The following RRAD variants were observed in gnomAD, a reference collection of about 807,000 sequenced individuals.
RRAD encodes the protein GTP-binding protein RAD.
RRAD carries 15 observed loss-of-function variants against 24.7 expected under a neutral mutation model. That is an observed-to-expected ratio of 0.61 (90% CI 0.41 to 0.93). The LOEUF (loss-of-function observed/expected upper bound fraction) is 0.93. RRAD is among the 40% of genes least tolerant of loss of function. The pLI is 0.00. For synonymous variants in RRAD, 180 were observed against 189.8 expected (o/e 0.95, Z 0.43); for missense variants, 438 against 452.2 (o/e 0.97, Z 0.29).
chr16:66,923,435 A>T lies in RRAD; in HGVS notation c.649+81T>A. On this transcript the variant is annotated intron_variant, in intron 4 of 4. Coordinates refer to ENST00000299759, the MANE Select transcript of RRAD (RefSeq NM_004165.3). The surrounding 1 kb of genome is among the most constrained non-coding windows in gnomAD (Gnocchi z 4.9). ...ACATTTTTAGCCTCTGATGATCCCC[A>T]GGGACTCAAGCTGAGCCAAGACTGC... is the stretch of plus-strand genomic sequence containing the variant. The T allele has an allele frequency of 8.7e-7, 1 of 1,154,614 alleles. No homozygotes were observed. The highest frequency in any genetic ancestry group is 1.5e-5 in the African/African-American group (1 of 65,226). 71.5% of individuals were successfully genotyped at this position (1,154,614 alleles called of 1,614,324 possible).
Position 66,924,934 on chromosome 16 carries a change from T to G in RRAD, c.246A>C (p.Ser82=). The change falls in exon 2 of 5, where the codon TCA becomes TCC. Residue 82 remains serine (S), a synonymous_variant. Transcript: ENST00000299759. The surrounding 1 kb of genome is among the most constrained non-coding windows in gnomAD (Gnocchi z 4.2). ...WPEDSEDSLS[S]GGSDSDESVY... Reference sequence around the variant, plus strand: ...CGCTCTCGTCTGAGTCGCTGCCCCCTGAGCTGAGCGAGTCCTCGGAGTCCT... The same window carrying G: ...CGCTCTCGTCTGAGTCGCTGCCCCCGGAGCTGAGCGAGTCCTCGGAGTCCT... 6.4e-7 allele frequency: 1 copy of G among 1,564,580 alleles called. No homozygotes were observed. Among genetic ancestry groups the G allele is most frequent in the Non-Finnish European group, 8.6e-7 (1 of 1,161,008 alleles).
chr16:66,921,944 G>A lies in RRAD; in HGVS notation c.*132C>T. On this transcript the variant is annotated 3_prime_UTR_variant, in exon 5 of 5. Coordinates refer to ENST00000299759, the MANE Select transcript of RRAD (RefSeq NM_004165.3). Reference sequence around the variant, plus strand: ...ACTGTCTATCTGTCCATGACCATGAGGTTGGGGGTGCCCGGCTGGCAGCTC... The same window carrying A: ...ACTGTCTATCTGTCCATGACCATGAAGTTGGGGGTGCCCGGCTGGCAGCTC... 2.7e-6 allele frequency: 2 copies of A among 734,398 alleles called. No homozygotes were observed. The highest frequency in any genetic ancestry group is 4.4e-6 in the Non-Finnish European group (2 of 450,204). 45.5% of individuals were successfully genotyped at this position (734,398 alleles called of 1,614,324 possible). A position where few individuals can be genotyped will look rare whatever the true frequency, so the allele number is the denominator to read the frequency against.
rs111383330 is a variant in RRAD, at chr16:66,924,699, T to C, written c.370+111A>G. The C allele has an allele frequency of 5.4e-4, 355 of 662,186 alleles. No homozygotes were observed. Among genetic ancestry groups the C allele is most frequent in the Middle Eastern group, 1.6e-3 (5 of 3,100 alleles). 41.0% of individuals were successfully genotyped at this position (662,186 alleles called of 1,614,324 possible). A position where few individuals can be genotyped will look rare whatever the true frequency, so the allele number is the denominator to read the frequency against. On this transcript the variant is annotated intron_variant, in intron 2 of 4. Coordinates refer to ENST00000299759, the MANE Select transcript of RRAD (RefSeq NM_004165.3). This position sits in a 1 kb window ranked among gnomAD's most constrained non-coding sequence, Gnocchi z 4.2. ...AATAAAATAATAATAATAATAATAA[T>C]AACAACAACAACAACTATAATTCCA...
In RRAD at chr16:66,925,220, C is replaced by T. The variant is rs745568691; in HGVS notation, c.-15-26G>A. On this transcript the variant is annotated intron_variant, in intron 1 of 4. Coordinates refer to ENST00000299759, the MANE Select transcript of RRAD (RefSeq NM_004165.3). The surrounding 1 kb of genome is among the most constrained non-coding windows in gnomAD (Gnocchi z 5.2). ...CTAGGGGATCAGGAACCCGAGTGGCCGTGTAAGCCGCGAGGGAGGCGGGAC... is the reference window on the plus strand; with the variant it reads ...CTAGGGGATCAGGAACCCGAGTGGCTGTGTAAGCCGCGAGGGAGGCGGGAC... The T allele has an allele frequency of 4.0e-6, 5 of 1,238,036 alleles. No homozygotes were observed. The highest frequency in any genetic ancestry group is 3.8e-5 in the Admixed American group (1 of 26,568). The allele number at this position is 1,238,036 out of a possible 1,614,324, so 76.7% of individuals were successfully genotyped here. A position where few individuals can be genotyped will look rare whatever the true frequency, so the allele number is the denominator to read the frequency against.
rs1962918645 is a variant in RRAD, at chr16:66,921,945, G to T, written c.*131C>A. On this transcript the variant is annotated 3_prime_UTR_variant, in exon 5 of 5. Transcript: ENST00000299759. ...CTGTCTATCTGTCCATGACCATGAG[G>T]TTGGGGGTGCCCGGCTGGCAGCTCC... 2.7e-6 allele frequency: 2 copies of T among 745,614 alleles called. No homozygotes were observed. The highest frequency in any genetic ancestry group is 4.3e-6 in the Non-Finnish European group (2 of 460,240). The allele number at this position is 745,614 out of a possible 1,614,324, so 46.2% of individuals were successfully genotyped here. A position where few individuals can be genotyped will look rare whatever the true frequency, so the allele number is the denominator to read the frequency against.
In RRAD at chr16:66,922,062, G is replaced by C; in HGVS notation, c.*14C>G. ...CTTCCGTTCGTCTCCCACCATAGTG[G>C]GAGCGGGTGGGACCTAGAGAACCGA... On this transcript the variant is annotated 3_prime_UTR_variant, in exon 5 of 5. Transcript: ENST00000299759. The C allele has an allele frequency of 1.3e-6, 2 of 1,593,730 alleles. No homozygotes were observed. The highest frequency in any genetic ancestry group is 1.7e-6 in the Non-Finnish European group (2 of 1,163,416).
chr16:66,922,436 A>T, intron 4 of RRAD, 83 bp from the exon 5 acceptor site: 1 of 1,402,454 alleles, frequency 7.1e-7, no homozygotes, highest in Non-Finnish European at 9.6e-7. Flanking sequence ...CACCCATGGA[A>T]GCTGCCACTC....
At chr16:66,922,960 C>T (rs1195056769) in intron 4 of RRAD, among the ~76,000 whole-genome samples, 3 of 152,342 alleles carry the variant, frequency 2.0e-5, no homozygotes, top group South Asian at 2.1e-4. Context: ...GGATTACAGG[C>T]GTTAGCCACC....
In RRAD at chr16:66,922,140, C is replaced by A; in HGVS notation, c.863G>T (p.Arg288Leu). The A allele has an allele frequency of 1.2e-6, 2 of 1,613,574 alleles. No individual in the cohort carries two copies. Among genetic ancestry groups the A allele is most frequent in the Non-Finnish European group, 8.5e-7 (1 of 1,179,464 alleles). Residue 288 changes from arginine to leucine, a missense_variant, in exon 5 of 5, where the codon CGT (arginine) becomes CTT (leucine). Arg to Leu is a moderately radical substitution (Grantham distance 102). Coordinates refer to ENST00000299759, the MANE Select transcript of RRAD (RefSeq NM_004165.3). The part of the protein sequence containing the change: ...AKRFLGRIVA[R>L]NSRKMAFRAK... ...GCGAAAGGCCATCTTGCGGCTGTTA[C>A]GAGCTACGATGCGGCCCAAGAAGCG...
chr16:66,922,391 G>C, intron 4 of RRAD, 38 bp from the exon 5 acceptor site: 1 of 1,550,462 alleles, frequency 6.4e-7, no homozygotes, highest in African/African-American at 1.4e-5. Context: ...AGTAAACAAA[G>C]GGTGGGTGAA....
chr16:66,923,774 G>T lies in RRAD; in HGVS notation c.445-54C>A. 1.9e-6 allele frequency: 3 copies of T among 1,610,790 alleles called. No homozygotes were observed. The highest frequency in any genetic ancestry group is 2.5e-6 in the Non-Finnish European group (3 of 1,177,170). On this transcript the variant is annotated intron_variant, in intron 3 of 4. Coordinates refer to ENST00000299759, the MANE Select transcript of RRAD (RefSeq NM_004165.3). This position sits in a 1 kb window ranked among gnomAD's most constrained non-coding sequence, Gnocchi z 4.9. ...AACAGTCCTCATGCCCCCGACACGA[G>T]CCTGGCACTCCCAGACCTCTAACCC...
In RRAD at chr16:66,924,022, C is replaced by A; in HGVS notation, c.371-103G>T. On this transcript the variant is annotated intron_variant, in intron 2 of 4. Transcript: ENST00000299759. This position sits in a 1 kb window ranked among gnomAD's most constrained non-coding sequence, Gnocchi z 4.2. ...CCTCCAACTCTTCCCCAGAGCCCTC[C>A]TTACCCTCCACTCCACTTGCAGATG... 1.1e-6 allele frequency: 1 copy of A among 892,282 alleles called. No homozygotes were observed. The highest frequency in any genetic ancestry group is 1.7e-5 in the Admixed American group (1 of 57,580). The allele number at this position is 892,282 out of a possible 1,614,324, so 55.3% of individuals were successfully genotyped here.
Position 66,921,848 on chromosome 16 carries a change from A to T in RRAD, c.*228T>A. The T allele has an allele frequency of 3.8e-6, 2 of 527,364 alleles. No homozygotes were observed. The highest frequency in any genetic ancestry group is 3.1e-5 in the South Asian group (1 of 32,524). The allele number at this position is 527,364 out of a possible 1,614,324, so 32.7% of individuals were successfully genotyped here. A position where few individuals can be genotyped will look rare whatever the true frequency, so the allele number is the denominator to read the frequency against. ...GCTGCGCTGCGGCTGCTTGGGACGC[A>T]TATGAGCCTGCGCATGCATCTCTGT... On this transcript the variant is annotated 3_prime_UTR_variant, in exon 5 of 5. Coordinates refer to ENST00000299759, the MANE Select transcript of RRAD (RefSeq NM_004165.3).
chr16:66,922,432 T>A (rs1962929363), intron 4 of RRAD, 79 bp from the exon 5 acceptor site: 2 of 1,420,444 alleles, frequency 1.4e-6, no homozygotes, highest in Admixed American at 4.2e-5. Flanking sequence ...TGGCCACCCA[T>A]GGAAGCTGCC....
rs778639507 is a variant in RRAD at position 66,922,336 on chromosome 16, C to A, written c.667G>T (p.Val223Leu). 6.3e-7 allele frequency: 1 copy of A among 1,594,712 alleles called. No homozygotes were observed. Among genetic ancestry groups the A allele is most frequent in the Non-Finnish European group, 8.6e-7 (1 of 1,168,158 alleles). ...TCAATGAACTTGCAGTCAAAGACCA[C>A]CGCGCAGGCCCGGCCCTCTGTGTGG... ...VSVDEGRACA[V>L]VFDCKFIETS... is the part of the protein sequence containing the mutation. Residue 223 changes from valine to leucine, a missense_variant, in exon 5 of 5, where the codon GTG (valine) becomes TTG (leucine). Physicochemically the swap from Val to Leu is conservative, Grantham distance 32. Coordinates refer to ENST00000299759, the MANE Select transcript of RRAD (RefSeq NM_004165.3).
At position 66,925,025 on chromosome 16, in the gene RRAD, G is replaced by A. The variant is rs1962976216; in HGVS notation, c.155C>T (p.Thr52Ile). ...CGCGGCCGCCGTCAGGGCACCCGGG[G>A]TCAGCGCCGCCTGCAGGTCGCGCTC... ...VDERDLQAAL[T>I]PGALTAAAAG... The change falls in exon 2 of 5, where the codon ACC becomes ATC. Residue 52 changes from threonine (T) to isoleucine (I), a missense_variant. Physicochemically the swap from Thr to Ile is moderately conservative, Grantham distance 89. Transcript: ENST00000299759. The surrounding 1 kb of genome is among the most constrained non-coding windows in gnomAD (Gnocchi z 5.2). 1 of 1,387,858 alleles carries A rather than the reference G, an allele frequency of 7.2e-7. No individual in the cohort carries two copies. The highest frequency in any genetic ancestry group is 9.4e-7 in the Non-Finnish European group (1 of 1,066,128). The allele number at this position is 1,387,858 out of a possible 1,614,324, so 86.0% of individuals were successfully genotyped here.
At position 66,923,693 on chromosome 16, in the gene RRAD, A is replaced by G; in HGVS notation, c.472T>C (p.Cys158Arg). ...QDGGRWLPGH[C>R]MAMGDAYVIV... ...ACATAGGCATCCCCCATGGCCATGC[A>G]GTGGCCGGGCAACCAGCGGCCCCCG... Residue 158 changes from cysteine (C) to arginine (R), a missense_variant, in exon 4 of 5, where the codon TGC becomes CGC. By Grantham distance (180) the Cys-to-Arg change is radical. Coordinates refer to ENST00000299759, the MANE Select transcript of RRAD (RefSeq NM_004165.3). The surrounding 1 kb of genome is among the most constrained non-coding windows in gnomAD (Gnocchi z 4.9). 1 of 1,614,114 alleles carries G rather than the reference A, an allele frequency of 6.2e-7. No individual in the cohort carries two copies. The highest frequency in any genetic ancestry group is 1.3e-5 in the African/African-American group (1 of 75,024).
Position 66,923,701 on chromosome 16 carries a change from G to A in RRAD, c.464C>T (p.Pro155Leu). The change falls in exon 4 of 5, where the codon CCC becomes CTC. Residue 155 changes from proline (P) to leucine (L), a missense_variant. By Grantham distance (98) the Pro-to-Leu change is moderately conservative (BLOSUM62 -3). Transcript: ENST00000299759. This position sits in a 1 kb window ranked among gnomAD's most constrained non-coding sequence, Gnocchi z 4.9. ...IWEQDGGRWL[P>L]GHCMAMGDAY... Reference sequence around the variant, plus strand: ...ATCCCCCATGGCCATGCAGTGGCCGGGCAACCAGCGGCCCCCGTCCTGGAG... The same window carrying A: ...ATCCCCCATGGCCATGCAGTGGCCGAGCAACCAGCGGCCCCCGTCCTGGAG... 1 of 1,614,040 alleles carries A rather than the reference G, an allele frequency of 6.2e-7. No homozygotes were observed. Among genetic ancestry groups the A allele is most frequent in the Non-Finnish European group, 8.5e-7 (1 of 1,179,996 alleles).
At position 66,924,699 on chromosome 16, in the gene RRAD, T is replaced by TAATAATAATAATAATAATAACAAC; in HGVS notation, c.370+110_370+111insGTTGTTATTATTATTATTATTATT. ...AATAAAATAATAATAATAATAATAA[T>TAATAATAATAATAATAATAACAAC]AACAACAACAACAACTATAATTCCA... On this transcript the variant is annotated intron_variant, in intron 2 of 4. Transcript: ENST00000299759. This position sits in a 1 kb window ranked among gnomAD's most constrained non-coding sequence, Gnocchi z 4.2. 1.5e-6 allele frequency: 1 copy of TAATAATAATAATAATAATAACAAC among 662,238 alleles called. No individual in the cohort carries two copies. The highest frequency in any genetic ancestry group is 2.1e-6 in the Non-Finnish European group (1 of 487,548). 41.0% of individuals were successfully genotyped at this position (662,238 alleles called of 1,614,324 possible). A position where few individuals can be genotyped will look rare whatever the true frequency, so the allele number is the denominator to read the frequency against.
Sources: allele counts gnomAD v4.1 joint callset (sites outside exome capture counted in the v4.1 genomes callset), GRCh38; gene constraint gnomAD v4.1.1; non-coding constraint Gnocchi (gnomAD v3.1); transcripts MANE v1.5; gene names NCBI Gene and HGNC (gene_info 2026-07-23, HGNC 2026-07-21).